The following GAPVD1 variants were observed in gnomAD, a reference collection of about 807,000 sequenced individuals.
The protein encoded by GAPVD1 is GTPase-activating protein and VPS9 domain-containing protein 1.
GAPVD1 carries 35 observed loss-of-function variants against 155.5 expected under a neutral mutation model. That is an observed-to-expected ratio of 0.23 (90% confidence interval 0.17 to 0.30). GAPVD1 has a LOEUF of 0.30. Ranked by LOEUF, GAPVD1 falls within the 10% of genes least tolerant of loss-of-function variation. GAPVD1 has a pLI of 1.00. For missense variants in GAPVD1, 1,429 were observed against 1,775.7 expected (o/e 0.80, Z 3.51); for synonymous variants, 636 against 619.7 (o/e 1.03, Z -0.39).
intron 2 of GAPVD1, among the ~76,000 whole-genome samples, chr9:125,274,384 T>C (rs1000052618): frequency 2.6e-5 from 4 of 151,694 alleles, no homozygotes; most frequent in African/African-American, 9.7e-5. Flanking sequence ...CTTTCTCACA[T>C]ATGCATGCAC....
chr9:125,340,492 G>A (rs1847696088), intron 17 of GAPVD1, among the ~76,000 whole-genome samples: 1 of 152,042 alleles, frequency 6.6e-6, no homozygotes, highest in Non-Finnish European at 1.5e-5. Context: ...CGATAAAAAA[G>A]GCCGAATATA....
intron 6 of GAPVD1, among the ~76,000 whole-genome samples, chr9:125,306,330 C>T (rs1312248969): frequency 6.6e-6 from 1 of 151,850 alleles, no homozygotes; most frequent in African/African-American, 2.4e-5. Context: ...GCCTGGCCCC[C>T]AAAAGATTCT....
Position 125,307,838 on chromosome 9 carries a change from C to G in GAPVD1, c.1399C>G (p.Pro467Ala), listed in dbSNP as rs1160292930. The G allele has an allele frequency of 6.2e-7, 1 of 1,613,116 alleles. No individual in the cohort carries two copies. The highest frequency in any genetic ancestry group is 8.5e-7 in the Non-Finnish European group (1 of 1,179,126). The change falls in exon 8 of 28, where the codon CCA becomes GCA. Residue 467 changes from proline (P) to alanine (A), a missense_variant. Pro to Ala is a conservative substitution (Grantham distance 27, BLOSUM62 -1). Coordinates refer to ENST00000297933, the MANE Select transcript of GAPVD1 (RefSeq NM_001282680.3). The stretch of plus-strand genomic sequence containing the variant: ...TCCCTACAATACACCTCAGCTATCT[C>G]CAGCAACCACTCCAGCAAATAAAAA... ...MTPYNTPQLS[P>A]ATTPANKKNR...
chr9:125,355,446 C>T (rs944262401), intron 24 of GAPVD1, among the ~76,000 whole-genome samples, 198 bp from the exon 25 acceptor site: 1 of 152,134 alleles, frequency 6.6e-6, no homozygotes, highest in Non-Finnish European at 1.5e-5. Context: ...CTTAAACTTT[C>T]ACATATTTCT....
intron 2 of GAPVD1, among the ~76,000 whole-genome samples, chr9:125,272,772 T>G (rs1038200192): frequency 1.6e-4 from 25 of 152,192 alleles, no homozygotes; most frequent in African/African-American, 6.0e-4. Context: ...ATATGTATAC[T>G]TTTTATGAAA....
chr9:125,307,001 C>T (rs550886807), intron 6 of GAPVD1, among the ~76,000 whole-genome samples: 1 of 152,094 alleles, frequency 6.6e-6, no homozygotes, highest in South Asian at 2.1e-4. Flanking sequence ...CGGGGTGGCT[C>T]ACATTTGTAT....
intron 21 of GAPVD1, 142 bp from the exon 22 acceptor site, chr9:125,350,153 T>C (rs1397713301): frequency 6.8e-6 from 4 of 586,160 alleles, no homozygotes; most frequent in Non-Finnish European, 1.2e-5. Flanking sequence ...TTCTTTTAAG[T>C]GGAGTGTCAG....
At chr9:125,283,900 TCTCG>T (rs1837209735) in intron 2 of GAPVD1, among the ~76,000 whole-genome samples, 1 of 151,744 alleles carries the variant, frequency 6.6e-6, no homozygotes, top group Admixed American at 6.6e-5. Context: ...TGATATGGAG[TCTCG>T]CTCTGTCACC....
At chr9:125,326,647 CT>C in intron 12 of GAPVD1, 58 bp downstream of exon 12, 1 of 1,242,056 alleles carries the variant, frequency 8.1e-7, no homozygotes, top group South Asian at 1.3e-5. Flanking sequence ...ATCCACCAAC[CT>C]TTCATGGGAG....
At chr9:125,339,342 C>G (rs923902354) in intron 17 of GAPVD1, among the ~76,000 whole-genome samples, 1 of 152,170 alleles carries the variant, frequency 6.6e-6, no homozygotes, top group Non-Finnish European at 1.5e-5. Context: ...TTTTGAAGCC[C>G]AGTTGTCCCT....
At chr9:125,346,581 A>G (rs1848548380) in intron 19 of GAPVD1, 1 of 551,840 alleles carries the variant, frequency 1.8e-6, no homozygotes, top group Non-Finnish European at 3.3e-6. Context: ...TGACACTGTC[A>G]TTCTGGTGAT....
intron 4 of GAPVD1, among the ~76,000 whole-genome samples, chr9:125,301,698 C>T (rs1008798614): frequency 3.9e-5 from 6 of 152,062 alleles, no homozygotes; most frequent in African/African-American, 7.2e-5. Flanking sequence ...GATTTGCCCG[C>T]CTCGGCCTCA....
intron 3 of GAPVD1, among the ~76,000 whole-genome samples, chr9:125,296,363 T>TTTTTTTTGTTTTTG (rs1554758536): frequency 2.7e-5 from 4 of 146,252 alleles, no homozygotes; most frequent in African/African-American, 1.0e-4. Flanking sequence ...CTTAGGTTTT[T>TTTTTTTTGTTTTTG]TTTTTTTTTT....
chr9:125,270,473 A>G (rs963887017), intron 2 of GAPVD1, among the ~76,000 whole-genome samples: 11 of 152,090 alleles, frequency 7.2e-5, no homozygotes, highest in Admixed American at 7.2e-4. Flanking sequence ...ATGCTTACCT[A>G]TATTTTCTAA....
Position 125,302,810 on chromosome 9 carries a change from G to T in GAPVD1, c.1013G>T (p.Arg338Leu). 1 of 1,598,316 alleles carries T rather than the reference G, an allele frequency of 6.3e-7. No homozygotes were observed. Among genetic ancestry groups the T allele is most frequent in the South Asian group, 1.1e-5 (1 of 88,384 alleles). The change falls in exon 5 of 28, where the codon CGA (arginine) becomes CTA (leucine). Residue 338 changes from arginine to leucine, a missense_variant. By Grantham distance (102) the Arg-to-Leu change is moderately radical. Around this residue, in one of 4 missense-constraint regions of GAPVD1, gnomAD observed 628 missense variants for 733.4 expected, o/e 0.86. Coordinates refer to ENST00000297933, the MANE Select transcript of GAPVD1 (RefSeq NM_001282680.3). The stretch of plus-strand genomic sequence containing the variant: ...GATGCTCCTATTAATGAAGTAGCAC[G>T]ATTTAATCTGATGCAGGTATGCTTT... ...ISDAPINEVA[R>L]FNLMQVGRLL...
At position 125,307,524 on chromosome 9, in the gene GAPVD1, A is replaced by G; in HGVS notation, c.1228A>G (p.Thr410Ala). ...ATTGAGCAGAACTGTGGTTTATATA[A>G]CCTACAGTCAGCTTATTACTCTGGT... ...EGLSRTVVYI[T>A]YSQLITLVNF... The change falls in exon 7 of 28, where the codon ACC becomes GCC. Residue 410 changes from threonine (T) to alanine (A), a missense_variant. Physicochemically the swap from Thr to Ala is moderately conservative, Grantham distance 58 (BLOSUM62 0). Around this residue, in one of 4 missense-constraint regions of GAPVD1, gnomAD observed 628 missense variants for 733.4 expected, o/e 0.86. Transcript: ENST00000297933. 1 of 1,611,596 alleles carries G rather than the reference A, an allele frequency of 6.2e-7. No individual in the cohort carries two copies. Among genetic ancestry groups the G allele is most frequent in the Non-Finnish European group, 8.5e-7 (1 of 1,178,600 alleles).
chr9:125,335,382 T>C, intron 15 of GAPVD1: 2 of 468,244 alleles, frequency 4.3e-6, no homozygotes, highest in Non-Finnish European at 7.6e-6. Context: ...TTTTCTTTTT[T>C]TTTTTAAAAA....
At position 125,302,138 on chromosome 9, in the gene GAPVD1, T is replaced by C; in HGVS notation, c.341T>C (p.Leu114Ser). The C allele has an allele frequency of 6.2e-7, 1 of 1,614,092 alleles. No homozygotes were observed. The highest frequency in any genetic ancestry group is 8.5e-7 in the Non-Finnish European group (1 of 1,180,004). Residue 114 changes from leucine (L) to serine (S), a missense_variant, in exon 5 of 28, where the codon TTG becomes TCG. By Grantham distance (145) the Leu-to-Ser change is moderately radical. This residue lies in a region of GAPVD1 where 628 missense variants were observed against 733.4 expected (regional missense o/e 0.86). Coordinates refer to ENST00000297933, the MANE Select transcript of GAPVD1 (RefSeq NM_001282680.3). ...AATCCTCGTCTTATTGCCTCCTCTT[T>C]GGTTGCTGGAGAGAAACTTAATCAG... ...RENPRLIASS[L>S]VAGEKLNQEN...
At position 125,302,169 on chromosome 9, in the gene GAPVD1, C is replaced by T. The variant is rs868338802; in HGVS notation, c.372C>T (p.Asn124=). 22 of 1,613,848 alleles carry T rather than the reference C, an allele frequency of 1.4e-5. No homozygotes were observed. In the Middle Eastern group the frequency reaches 6.6e-4, roughly 48 times the overall value. Residue 124 remains asparagine (N), a synonymous_variant, in exon 5 of 28, where the codon AAC becomes AAT. Transcript: ENST00000297933. ...CTGGAGAGAAACTTAATCAGGAGAA[C>T]ACACAAAGTGTTATTTACACAGTTT... The part of the protein sequence containing the change: ...LVAGEKLNQE[N]TQSVIYTVFT...
Sources: gnomAD v4.1 joint callset for allele counts (sites outside exome capture counted in the v4.1 genomes callset) on GRCh38, gnomAD v4.1.1 for gene constraint, gnomAD v4.1.1 regional missense constraint, MANE v1.5 for transcripts, NCBI Gene and HGNC (gene_info 2026-07-23, HGNC 2026-07-21) for gene names.